The following ANKS1B variants were observed in gnomAD, a reference collection of about 807,000 sequenced individuals.
ANKS1B encodes ankyrin repeat and sterile alpha motif domain containing 1B, also known as ankyrin repeat and sterile alpha motif domain-containing protein 1B.
Under a neutral mutation model 148.3 loss-of-function variants are expected in ANKS1B, and 36 were observed. The ratio of observed to expected loss-of-function variants is 0.24; its 90% CI spans 0.19 to 0.32. The LOEUF is 0.32. ANKS1B is among the 10% of genes least tolerant of loss of function. The pLI is 1.00. For missense variants in ANKS1B, 1,157 were observed against 1,542.6 expected, an observed-to-expected ratio of 0.75 and a Z score of 4.19; for synonymous variants, 542 against 560.8, an observed-to-expected ratio of 0.97 and a Z score of 0.47.
intron 9 of ANKS1B, among the ~76,000 whole-genome samples, chr12:99,532,110 A>G (rs12300623): frequency 0.47 from 71,461 of 151,370 alleles, 17,079 homozygotes; most frequent in East Asian, 0.6. Flanking sequence ...TTTGTCAGAT[A>G]TACAGTTTGT....
intron 17 of ANKS1B, among the ~76,000 whole-genome samples, chr12:99,003,011 T>A (rs954654664): frequency 1.3e-5 from 2 of 152,220 alleles, no homozygotes; most frequent in Admixed American, 6.5e-5. Flanking sequence ...GATTTTTGTG[T>A]ACAGTGTAAG....
chr12:99,978,110 C>T (rs2153851818), intron 1 of ANKS1B, among the ~76,000 whole-genome samples: 1 of 152,312 alleles, frequency 6.6e-6, no homozygotes, highest in Non-Finnish European at 1.5e-5. Flanking sequence ...CAGTATATAA[C>T]TGAACTAATC....
At chr12:99,770,848 C>A (rs2063124743) in intron 8 of ANKS1B, among the ~76,000 whole-genome samples, 1 of 152,100 alleles carries the variant, frequency 6.6e-6, no homozygotes, top group Non-Finnish European at 1.5e-5. Flanking sequence ...TCCACATAAT[C>A]TTTAATATTT....
At chr12:99,003,293 A>ATTC (rs1290860370) in intron 17 of ANKS1B, among the ~76,000 whole-genome samples, 4 of 152,172 alleles carry the variant, frequency 2.6e-5, no homozygotes, top group Non-Finnish European at 5.9e-5. Context: ...TTCTTTCTCA[A>ATTC]AATTATTCCG....
chr12:99,215,018 T>C (rs1296262402), intron 14 of ANKS1B, among the ~76,000 whole-genome samples: 1 of 152,176 alleles, frequency 6.6e-6, no homozygotes, highest in Non-Finnish European at 1.5e-5. Flanking sequence ...TGGAAGAAAT[T>C]TCTAAGCAGC....
At chr12:99,092,903 C>T (rs1315423308) in intron 15 of ANKS1B, among the ~76,000 whole-genome samples, 1 of 152,152 alleles carries the variant, frequency 6.6e-6, no homozygotes, top group Non-Finnish European at 1.5e-5. Context: ...TTATTTTCAT[C>T]TTATAGAGGA....
intron 24 of ANKS1B, among the ~76,000 whole-genome samples, chr12:98,777,857 T>C (rs745918584): frequency 7.9e-5 from 12 of 152,302 alleles, no homozygotes; most frequent in Admixed American, 2.0e-4. Flanking sequence ...CAAAGTCTAA[T>C]GGGGGCTAAT....
chr12:99,953,145 A>G (rs1385865591), intron 1 of ANKS1B, among the ~76,000 whole-genome samples: 1 of 152,250 alleles, frequency 6.6e-6, no homozygotes, highest in Non-Finnish European at 1.5e-5. Flanking sequence ...AAATAAAGAC[A>G]AAATATCCAA....
intron 1 of ANKS1B, among the ~76,000 whole-genome samples, chr12:99,848,765 T>C (rs953128391): frequency 2.6e-5 from 4 of 151,758 alleles, no homozygotes; most frequent in African/African-American, 9.7e-5. Context: ...AGAAAAAAAT[T>C]TAAAGGCACA....
intron 11 of ANKS1B, among the ~76,000 whole-genome samples, chr12:99,405,195 C>G (rs7974573): frequency 0.087 from 12,519 of 144,548 alleles, 2,899 homozygotes; most frequent in African/African-American, 0.29. Flanking sequence ...TAATGAGCAA[C>G]AAGAAATCAT....
chr12:99,370,507 A>T (rs2093069373), intron 12 of ANKS1B, among the ~76,000 whole-genome samples: 1 of 152,140 alleles, frequency 6.6e-6, no homozygotes, highest in African/African-American at 2.4e-5. Flanking sequence ...AATCTCTTTA[A>T]AAGACAGGCA....
intron 15 of ANKS1B, among the ~76,000 whole-genome samples, chr12:99,110,204 A>G (rs2060017712): frequency 6.6e-6 from 1 of 152,190 alleles, no homozygotes; most frequent in South Asian, 2.1e-4. Flanking sequence ...ACTGCAAGTC[A>G]AGGTGTGAGT....
chr12:98,816,742 A>G (rs1397194301), intron 19 of ANKS1B, among the ~76,000 whole-genome samples: 1 of 152,182 alleles, frequency 6.6e-6, no homozygotes, highest in Non-Finnish European at 1.5e-5. Flanking sequence ...GCTTTTAATC[A>G]ACGTTTATGG....
intron 17 of ANKS1B, among the ~76,000 whole-genome samples, chr12:98,895,600 G>A (rs1027674396): frequency 6.6e-6 from 1 of 152,176 alleles, no homozygotes; most frequent in Non-Finnish European, 1.5e-5. Flanking sequence ...TGCGCCGGTG[G>A]CCCTCTCCTG....
chr12:99,227,940 T>A (rs763072372), intron 14 of ANKS1B, among the ~76,000 whole-genome samples: 4 of 151,936 alleles, frequency 2.6e-5, no homozygotes, highest in Non-Finnish European at 4.4e-5. Context: ...TAAAAAACAT[T>A]GTAAAATGAT....
intron 10 of ANKS1B, among the ~76,000 whole-genome samples, chr12:99,473,753 A>C (rs1198840121): frequency 2.0e-5 from 3 of 151,910 alleles, no homozygotes; most frequent in Admixed American, 2.0e-4. Flanking sequence ...AATTGTTTCC[A>C]TTCTTTGTTT....
chr12:99,701,546 T>A (rs1567673632), intron 8 of ANKS1B, among the ~76,000 whole-genome samples: 1 of 152,138 alleles, frequency 6.6e-6, no homozygotes, highest in Non-Finnish European at 1.5e-5. Context: ...AACATTCCAA[T>A]TGTATTCCCT....
intron 1 of ANKS1B, among the ~76,000 whole-genome samples, chr12:99,890,307 C>T (rs1343840326): frequency 6.6e-6 from 1 of 152,052 alleles, no homozygotes; most frequent in South Asian, 2.1e-4. Context: ...GTAGATGAGG[C>T]TCATACAATC....
intron 16 of ANKS1B, among the ~76,000 whole-genome samples, chr12:99,076,885 T>A (rs1299830871): frequency 6.6e-6 from 1 of 152,118 alleles, no homozygotes; most frequent in African/African-American, 2.4e-5. Flanking sequence ...TTCTGAATCA[T>A]CTATGGCTAT....
Sources: gnomAD v4.1 joint callset for allele counts (sites outside exome capture counted in the v4.1 genomes callset) on GRCh38, gnomAD v4.1.1 for gene constraint, MANE v1.5 for transcripts, NCBI Gene and HGNC (gene_info 2026-07-23, HGNC 2026-07-21) for gene names.